The following TNNI3K variants were observed in gnomAD, a reference collection of about 807,000 sequenced individuals.
TNNI3K encodes serine/threonine-protein kinase TNNI3K.
In TNNI3K, 140 loss-of-function variants were observed where a neutral mutation model predicts 114.5. The ratio of observed to expected loss-of-function variants is 1.22; its 90% CI spans 1.07 to 1.41. TNNI3K has a LOEUF of 1.41. TNNI3K is among the 40% of genes most tolerant of loss of function. The probability of loss-of-function intolerance (pLI) is 0.00; values close to 1 mark genes in which losing one functional copy is unlikely to be tolerated. For synonymous variants in TNNI3K, 347 were observed against 347.5 expected (o/e 1.00, Z 0.02); for missense variants, 1,125 against 1,007.6 (o/e 1.12, Z -1.58).
intron 20 of TNNI3K, among the ~76,000 whole-genome samples, chr1:74,452,055 C>G (rs1460058898): frequency 6.6e-6 from 1 of 151,836 alleles, no homozygotes; most frequent in Non-Finnish European, 1.5e-5. Flanking sequence ...GTATGGCTTC[C>G]CATATTCTTA....
At chr1:74,312,504 C>T (rs1243962003) in intron 5 of TNNI3K, among the ~76,000 whole-genome samples, 1 of 152,182 alleles carries the variant, frequency 6.6e-6, no homozygotes, top group East Asian at 1.9e-4. Flanking sequence ...TTATTTATGA[C>T]TGATCTTGCC....
At chr1:74,316,728 C>T (rs557945780) in intron 5 of TNNI3K, among the ~76,000 whole-genome samples, 31 of 151,494 alleles carry the variant, frequency 2.0e-4, no homozygotes, top group African/African-American at 7.0e-4. Flanking sequence ...CTCTCTCTGT[C>T]GCCCAGGCTG....
rs1023636113 is a variant in TNNI3K at position 74,544,242 on chromosome 1, G to A, written c.*260G>A. 2.6e-5 allele frequency: 10 copies of A among 383,062 alleles called. No individual in the cohort carries two copies. Among genetic ancestry groups the A allele is most frequent in the African/African-American group, 6.4e-5 (3 of 46,940 alleles). 23.7% of individuals were successfully genotyped at this position (383,062 alleles called of 1,614,324 possible). A position where few individuals can be genotyped will look rare whatever the true frequency, so the allele number is the denominator to read the frequency against. On this transcript the variant is annotated 3_prime_UTR_variant, in exon 25 of 25. Transcript: ENST00000326637. Reference sequence around the variant, plus strand: ...TGTAAATTAAAAAAAAATTTAGATCGTTACTTGGAAATGGAGCCTAAGTCT... The same window carrying A: ...TGTAAATTAAAAAAAAATTTAGATCATTACTTGGAAATGGAGCCTAAGTCT...
intron 21 of TNNI3K, chr1:74,475,792 C>T (rs1235817859): frequency 1.6e-6 from 1 of 608,752 alleles, no homozygotes; most frequent in South Asian, 2.1e-5. Flanking sequence ...TAAACCTAGG[C>T]AAGTGAGACC....
At chr1:74,434,664 C>T (rs911257079) in intron 17 of TNNI3K, among the ~76,000 whole-genome samples, 14 of 151,898 alleles carry the variant, frequency 9.2e-5, no homozygotes, top group Admixed American at 2.6e-4. Context: ...CAGTCTGATT[C>T]TCATCATGTG....
At chr1:74,501,237 G>T (rs1669609155) in intron 23 of TNNI3K, among the ~76,000 whole-genome samples, 2 of 151,982 alleles carry the variant, frequency 1.3e-5, no homozygotes, top group South Asian at 4.2e-4. Context: ...TATTCTCTCA[G>T]AAGCTGGATT....
chr1:74,374,863 T>TA (rs1313094161), intron 17 of TNNI3K: 45 of 152,148 alleles, frequency 3.0e-4, no homozygotes, highest in Admixed American at 2.9e-3. Flanking sequence ...AGTCATTATT[T>TA]ATAGCTTAAA....
At chr1:74,448,488 T>A (rs1360494327) in intron 20 of TNNI3K, among the ~76,000 whole-genome samples, 2 of 145,630 alleles carry the variant, frequency 1.4e-5, no homozygotes, top group Non-Finnish European at 3.0e-5. Flanking sequence ...GGCCAGAACT[T>A]CCAACACTAT....
chr1:74,255,349 G>A (rs189215436), intron 4 of TNNI3K, among the ~76,000 whole-genome samples: 4,024 of 80,068 alleles, frequency 0.05, 184 homozygotes, highest in African/African-American at 0.14. Context: ...GCGAGACTCC[G>A]TCTCAAAAAA....
chr1:74,303,817 G>A (rs1220952003), intron 5 of TNNI3K, among the ~76,000 whole-genome samples: 1 of 152,174 alleles, frequency 6.6e-6, no homozygotes, highest in Non-Finnish European at 1.5e-5. Flanking sequence ...TGCCATTCAT[G>A]GGAGGAGGTC....
chr1:74,367,118 A>G, intron 11 of TNNI3K, 138 bp from the exon 12 acceptor site: 1 of 791,294 alleles, frequency 1.3e-6, no homozygotes, highest in Admixed American at 2.9e-5. Flanking sequence ...TGAATGAACT[A>G]AATTTCTATT....
At chr1:74,516,137 T>C (rs1473250019) in intron 23 of TNNI3K, among the ~76,000 whole-genome samples, 2 of 152,222 alleles carry the variant, frequency 1.3e-5, no homozygotes, top group Non-Finnish European at 2.9e-5. Context: ...CCTGTTCTTA[T>C]TGATAATAAC....
intron 23 of TNNI3K, among the ~76,000 whole-genome samples, chr1:74,515,843 A>C (rs1203236592): frequency 6.6e-6 from 1 of 152,212 alleles, no homozygotes; most frequent in African/African-American, 2.4e-5. Flanking sequence ...ATTTCTTTAG[A>C]CTGGAGATCA....
At chr1:74,449,261 G>A (rs1383711370) in intron 20 of TNNI3K, among the ~76,000 whole-genome samples, 1 of 151,738 alleles carries the variant, frequency 6.6e-6, no homozygotes, top group African/African-American at 2.4e-5. Flanking sequence ...AGAGGTGTTT[G>A]TAGTATTCTC....
At chr1:74,349,473 A>G (rs1384779776) in intron 9 of TNNI3K, among the ~76,000 whole-genome samples, 14 of 152,186 alleles carry the variant, frequency 9.2e-5, no homozygotes, top group Non-Finnish European at 1.3e-4. Context: ...TATCAGGATG[A>G]TGCCGGCCTC....
chr1:74,388,952 G>A lies in TNNI3K; in HGVS notation c.1772+18560G>A, dbSNP rs114147428. Among the ~76,000 whole-genome samples the A allele has an allele frequency of 5.8e-3, 890 of 152,324 alleles. 11 individuals carry two copies. Among genetic ancestry groups the A allele is most frequent in the African/African-American group, 0.02 (851 of 41,572 alleles). On this transcript the variant is annotated intron_variant, in intron 17 of 24. Transcript: ENST00000326637. ...GCACCATCTGTGACATTCATGTGCT[G>A]CCTGCAACAGGCAGCTAACACAAAT...
At position 74,249,506 on chromosome 1, in the gene TNNI3K, A is replaced by G; in HGVS notation, c.197A>G (p.Asn66Ser). 1.2e-6 allele frequency: 2 copies of G among 1,613,640 alleles called. No individual in the cohort carries two copies. The highest frequency in any genetic ancestry group is 2.2e-5 in the South Asian group (2 of 91,024). Residue 66 changes from asparagine to serine, a missense_variant, in exon 3 of 25, where the codon AAT (asparagine) becomes AGT (serine). Asn to Ser is a conservative substitution (Grantham distance 46). Coordinates refer to ENST00000326637, the MANE Select transcript of TNNI3K (RefSeq NM_015978.3). ...SKVNLNYRTE[N>S]GLSLLHLCCI... The stretch of plus-strand genomic sequence containing the variant: ...GTCAATTTAAATTACCGCACTGAAA[A>G]TGGGCTGTCTCTACTTCATTTATGT...
intron 5 of TNNI3K, among the ~76,000 whole-genome samples, chr1:74,313,175 C>T (rs1659095439): frequency 1.3e-5 from 2 of 152,184 alleles, no homozygotes; most frequent in African/African-American, 4.8e-5. Context: ...AAATTCAATA[C>T]AGGCATTATC....
chr1:74,497,144 T>C (rs1669369689), intron 23 of TNNI3K, among the ~76,000 whole-genome samples: 1 of 152,176 alleles, frequency 6.6e-6, no homozygotes, highest in Admixed American at 6.5e-5. Context: ...AATTTTAATT[T>C]ACTCAAAGTT....
Sources: gnomAD v4.1 joint callset for allele counts (sites outside exome capture counted in the v4.1 genomes callset) on GRCh38, gnomAD v4.1.1 for gene constraint, MANE v1.5 for transcripts, NCBI Gene and HGNC (gene_info 2026-07-23, HGNC 2026-07-21) for gene names.